ROBO1: variants seen among roughly 807,000 people sequenced by gnomAD.
The protein encoded by ROBO1 is roundabout homolog 1.
In ROBO1, 149 loss-of-function variants were observed where a neutral mutation model predicts 195.9. The ratio of observed to expected loss-of-function variants is 0.76; its 90% CI spans 0.67 to 0.87. The LOEUF is 0.87. Ranked by LOEUF, ROBO1 falls within the 40% of genes least tolerant of loss-of-function variation. The pLI, the probability that ROBO1 is intolerant of heterozygous loss-of-function variation, is 0.00. For missense variants in ROBO1, 1,933 were observed against 2,068.3 expected, an observed-to-expected ratio of 0.93 and a Z score of 1.27; for synonymous variants, 816 against 733.2, an observed-to-expected ratio of 1.11 and a Z score of -1.82.
intron 4 of ROBO1, among the ~76,000 whole-genome samples, chr3:78,928,500 T>C (rs535759020): frequency 1.3e-5 from 2 of 152,180 alleles, no homozygotes; most frequent in Non-Finnish European, 2.9e-5. Flanking sequence ...TGTCTACCAA[T>C]GTTAGAGTCC....
intron 4 of ROBO1, among the ~76,000 whole-genome samples, chr3:78,785,993 GTTA>G: frequency 6.6e-6 from 1 of 152,224 alleles, no homozygotes; most frequent in Non-Finnish European, 1.5e-5. Context: ...ACAGCTAGTT[GTTA>G]TTATAAAACT....
chr3:79,385,780 TA>T (rs891833648), intron 2 of ROBO1, among the ~76,000 whole-genome samples: 133 of 152,068 alleles, frequency 8.7e-4, no homozygotes, highest in Non-Finnish European at 1.4e-3. Flanking sequence ...AAACATTTAA[TA>T]AAAAAACATA....
intron 2 of ROBO1, among the ~76,000 whole-genome samples, chr3:79,159,424 C>T (rs1349635511): frequency 1.3e-5 from 2 of 151,844 alleles, no homozygotes; most frequent in African/African-American, 2.4e-5. Flanking sequence ...CTTTATTACC[C>T]AGGTTTGATT....
At chr3:79,646,563 A>G (rs1945827763) in intron 1 of ROBO1, among the ~76,000 whole-genome samples, 1 of 152,132 alleles carries the variant, frequency 6.6e-6, no homozygotes, top group Admixed American at 6.6e-5. Flanking sequence ...TGGAATAAAT[A>G]TCCAAAAGGA....
intron 21 of ROBO1, among the ~76,000 whole-genome samples, chr3:78,641,356 T>C (rs1705940151): frequency 6.6e-6 from 1 of 152,186 alleles, no homozygotes; most frequent in Non-Finnish European, 1.5e-5. Context: ...TGGAGAGTAC[T>C]AAAAGTTCCT....
At chr3:79,274,293 C>T in intron 2 of ROBO1, among the ~76,000 whole-genome samples, 1 of 151,594 alleles carries the variant, frequency 6.6e-6, no homozygotes, top group East Asian at 1.9e-4. Context: ...GAAGCTATGT[C>T]AAATATCTTC....
chr3:79,674,621 C>G (rs1445932649), intron 1 of ROBO1, among the ~76,000 whole-genome samples: 2 of 151,792 alleles, frequency 1.3e-5, no homozygotes, highest in Non-Finnish European at 2.9e-5. Flanking sequence ...GTTATGAAAC[C>G]TATAATCTTT....
chr3:79,436,228 T>A (rs2038881567), intron 2 of ROBO1, among the ~76,000 whole-genome samples: 1 of 152,152 alleles, frequency 6.6e-6, no homozygotes, highest in South Asian at 2.1e-4. Context: ...CTTAACAAAT[T>A]GCATATGGTT....
chr3:79,656,621 G>A (rs969236675), intron 1 of ROBO1, among the ~76,000 whole-genome samples: 1 of 151,948 alleles, frequency 6.6e-6, no homozygotes, highest in Non-Finnish European at 1.5e-5. Flanking sequence ...TGGCTGGGAG[G>A]GATGGGCTCA....
intron 3 of ROBO1, among the ~76,000 whole-genome samples, chr3:79,040,511 G>A (rs1198599501): frequency 3.3e-5 from 5 of 152,194 alleles, no homozygotes; most frequent in Admixed American, 3.3e-4. Context: ...CAAAGGTCAA[G>A]TCATATCTTT....
At chr3:79,725,455 T>C (rs1399643777) in intron 1 of ROBO1, among the ~76,000 whole-genome samples, 1 of 151,978 alleles carries the variant, frequency 6.6e-6, no homozygotes, top group Admixed American at 6.6e-5. Flanking sequence ...CTCGATCTCC[T>C]GACCTCGTGA....
At chr3:79,139,631 T>C (rs2080482008) in intron 2 of ROBO1, among the ~76,000 whole-genome samples, 1 of 152,162 alleles carries the variant, frequency 6.6e-6, no homozygotes, top group African/African-American at 2.4e-5. Flanking sequence ...CAATAATATC[T>C]GATGTGACAG....
intron 3 of ROBO1, among the ~76,000 whole-genome samples, chr3:79,066,613 G>A (rs1182479158): frequency 2.0e-5 from 3 of 151,778 alleles, no homozygotes; most frequent in Non-Finnish European, 4.4e-5. Context: ...TAGGGAAAAC[G>A]ATTCTATAGA....
chr3:79,642,417 C>T (rs1945693078), intron 1 of ROBO1, among the ~76,000 whole-genome samples: 1 of 151,988 alleles, frequency 6.6e-6, no homozygotes, highest in African/African-American at 2.4e-5. Flanking sequence ...TATCCAGTTC[C>T]AGGAAGATCA....
chr3:79,079,985 G>C (rs1365773208), intron 3 of ROBO1, among the ~76,000 whole-genome samples: 1 of 151,552 alleles, frequency 6.6e-6, no homozygotes, highest in Non-Finnish European at 1.5e-5. Flanking sequence ...AGCTTCAGAT[G>C]ATGATAATTT....
At chr3:78,681,854 A>G (rs758210523) in intron 10 of ROBO1, among the ~76,000 whole-genome samples, 2 of 152,148 alleles carry the variant, frequency 1.3e-5, no homozygotes, top group Non-Finnish European at 2.9e-5. Context: ...GTGAGCTGAG[A>G]TCGCACCACT....
chr3:79,420,960 A>T (rs2038198849), intron 2 of ROBO1, among the ~76,000 whole-genome samples: 4 of 152,168 alleles, frequency 2.6e-5, no homozygotes, highest in Admixed American at 2.6e-4. Context: ...AAGAGCAAAG[A>T]AATGAAATCA....
At chr3:78,871,718 A>G (rs1315331312) in intron 4 of ROBO1, among the ~76,000 whole-genome samples, 3 of 127,846 alleles carry the variant, frequency 2.3e-5, no homozygotes, top group African/African-American at 9.0e-5. Context: ...AAAAGACATT[A>G]TTTGCATTTA....
At chr3:79,200,604 G>A (rs900984844) in intron 2 of ROBO1, among the ~76,000 whole-genome samples, 2 of 151,700 alleles carry the variant, frequency 1.3e-5, no homozygotes, top group African/African-American at 4.8e-5. Flanking sequence ...TAGAAACTTT[G>A]AGAGTGAGTA....
Sources: gnomAD v4.1 joint callset for allele counts (sites outside exome capture counted in the v4.1 genomes callset) on GRCh38, gnomAD v4.1.1 for gene constraint, MANE v1.5 for transcripts, NCBI Gene and HGNC (gene_info 2026-07-23, HGNC 2026-07-21) for gene names.